XKR9: variants seen among roughly 807,000 people sequenced by gnomAD.
XKR9 encodes XK-related protein 9.
Under a neutral mutation model 32.0 loss-of-function variants are expected in XKR9, and 32 were observed. The observed-to-expected ratio is 1.00, with a 90% CI of 0.76 to 1.34. The LOEUF is 1.34. Ranked by LOEUF, XKR9 falls within the 40% of genes most tolerant of loss-of-function variation. XKR9 has a pLI of 0.00. For missense variants in XKR9, 546 were observed against 429.7 expected (o/e 1.27, Z -2.39); for synonymous variants, 168 against 143.4 (o/e 1.17, Z -1.22).
At chr8:70,985,453 C>T in the XKR9 span, among the ~76,000 whole-genome samples, 110 of 152,242 alleles carry the variant, frequency 7.2e-4, no homozygotes, top group Non-Finnish European at 1.1e-3. Flanking sequence ...TATTAAGACA[C>T]ATGCACAAGC....
chr8:70,946,201 C>CTCTAACTCTAAGTAGCTCTT, the XKR9 span, among the ~76,000 whole-genome samples: 1 of 152,068 alleles, frequency 6.6e-6, no homozygotes, highest in Non-Finnish European at 1.5e-5. Flanking sequence ...CTAAGAGATC[C>CTCTAACTCTAAGTAGCTCTT]TCTAACTCTA....
At chr8:70,955,767 G>A in the XKR9 span, among the ~76,000 whole-genome samples, 1 of 152,196 alleles carries the variant, frequency 6.6e-6, no homozygotes, top group East Asian at 1.9e-4. Flanking sequence ...GCAGTGGCAA[G>A]GGATGTGTGA....
At chr8:70,759,766 C>T (rs1807283015) in intron 2 of XKR9, among the ~76,000 whole-genome samples, 1 of 152,110 alleles carries the variant, frequency 6.6e-6, no homozygotes, top group African/African-American at 2.4e-5. Context: ...GATTTATGAA[C>T]CCATAACTGG....
At chr8:70,933,809 C>T in the XKR9 span, among the ~76,000 whole-genome samples, 1 of 152,084 alleles carries the variant, frequency 6.6e-6, no homozygotes, top group Admixed American at 6.6e-5. Flanking sequence ...GAGTAGAATA[C>T]TGCCTCTTAA....
At chr8:70,886,087 G>T in the XKR9 span, among the ~76,000 whole-genome samples, 1 of 152,108 alleles carries the variant, frequency 6.6e-6, no homozygotes, top group Admixed American at 6.6e-5. Context: ...TCCCCACCTG[G>T]TGTCCATGTG....
chr8:71,060,885 C>T, the XKR9 span, among the ~76,000 whole-genome samples: 14 of 152,166 alleles, frequency 9.2e-5, no homozygotes, highest in South Asian at 2.1e-4. Flanking sequence ...TTTGCACTTA[C>T]GTAGTCTGAC....
At chr8:70,957,751 C>T in the XKR9 span, among the ~76,000 whole-genome samples, 1,739 of 144,754 alleles carry the variant, frequency 0.012, 21 homozygotes, top group Middle Eastern at 0.033. Flanking sequence ...TTCCATGGTG[C>T]GTATGTACCA....
chr8:70,691,969 C>T (rs1805085245), intron 3 of XKR9, among the ~76,000 whole-genome samples: 1 of 152,014 alleles, frequency 6.6e-6, no homozygotes, highest in Non-Finnish European at 1.5e-5. Flanking sequence ...GGTAGTTTAA[C>T]AGGTATAGCG....
the XKR9 span, among the ~76,000 whole-genome samples, chr8:70,925,690 A>G: frequency 6.6e-6 from 1 of 152,190 alleles, no homozygotes; most frequent in Non-Finnish European, 1.5e-5. Context: ...AGAGGAGGAT[A>G]AACAAAGCCA....
At chr8:70,759,396 A>G (rs1487402438) in intron 2 of XKR9, among the ~76,000 whole-genome samples, 3 of 151,954 alleles carry the variant, frequency 2.0e-5, no homozygotes, top group Admixed American at 6.6e-5. Flanking sequence ...AAGAGGAATA[A>G]TTTTTCTAAG....
At chr8:70,975,774 T>G in the XKR9 span, among the ~76,000 whole-genome samples, 1 of 152,312 alleles carries the variant, frequency 6.6e-6, no homozygotes, top group Non-Finnish European at 1.5e-5. Context: ...TCCAATTCTG[T>G]GAAGAAAGTC....
intron 2 of XKR9, among the ~76,000 whole-genome samples, chr8:70,776,974 A>G (rs1563477254): frequency 1.7e-5 from 1 of 58,906 alleles, no homozygotes; most frequent in African/African-American, 7.7e-5. Context: ...TGTATGTATT[A>G]TACTTTAAGT....
the XKR9 span, among the ~76,000 whole-genome samples, chr8:70,910,085 A>G: frequency 6.6e-6 from 1 of 151,336 alleles, no homozygotes; most frequent in Non-Finnish European, 1.5e-5. Flanking sequence ...ATTAACCTGA[A>G]CCCTGTGGGG....
At chr8:70,834,898 T>G in the XKR9 span, among the ~76,000 whole-genome samples, 1 of 152,120 alleles carries the variant, frequency 6.6e-6, no homozygotes, top group Admixed American at 6.6e-5. Context: ...AGACTAACAT[T>G]GCACTCTGGA....
At chr8:70,927,134 G>C in the XKR9 span, among the ~76,000 whole-genome samples, 4 of 151,952 alleles carry the variant, frequency 2.6e-5, no homozygotes, top group African/African-American at 9.7e-5. Context: ...TGGTCTAAAA[G>C]GAGTTGTAAG....
At chr8:71,003,098 T>C in the XKR9 span, among the ~76,000 whole-genome samples, 1 of 152,228 alleles carries the variant, frequency 6.6e-6, no homozygotes, top group Admixed American at 6.5e-5. Flanking sequence ...TTGAAAAGCA[T>C]TGCTGTGTTT....
the XKR9 span, among the ~76,000 whole-genome samples, chr8:70,896,569 A>G: frequency 6.6e-6 from 1 of 151,188 alleles, no homozygotes; most frequent in Non-Finnish European, 1.5e-5. Context: ...TTTCTTGGTC[A>G]GTCTGTCTAC....
In XKR9 at chr8:70,714,351, T is replaced by G. The variant is rs538100212; in HGVS notation, c.493+7198T>G. 5.9e-5 allele frequency among the ~76,000 whole-genome samples: 9 copies of G among 151,976 alleles called. No homozygotes were observed. The South Asian group carries it at 1.9e-3, about 32-fold the overall frequency. ...AATAAATTACAGCAAATTACAGATATAAGAAAGCTAACACCTACAAATTTC... is the reference window on the plus strand; with the variant it reads ...AATAAATTACAGCAAATTACAGATAGAAGAAAGCTAACACCTACAAATTTC... On this transcript the variant is annotated intron_variant, in intron 4 of 4. Transcript: ENST00000408926.
chr8:70,789,072 C>T (rs1339444240), intron 2 of XKR9, among the ~76,000 whole-genome samples: 2 of 151,988 alleles, frequency 1.3e-5, no homozygotes, highest in African/African-American at 4.8e-5. Context: ...TAATTTACAT[C>T]ACCAGTGATC....
Sources: allele counts gnomAD v4.1 joint callset (sites outside exome capture counted in the v4.1 genomes callset), GRCh38; gene constraint gnomAD v4.1.1; transcripts MANE v1.5; gene names NCBI Gene and HGNC (gene_info 2026-07-23, HGNC 2026-07-21).